Variants in RBMS2 observed in about 807,000 individuals in gnomAD.
RBMS2 encodes RNA binding motif single stranded interacting protein 2.
Under a neutral mutation model 58.4 loss-of-function variants are expected in RBMS2, and 38 were observed. That is an observed-to-expected ratio of 0.65 (90% CI 0.50 to 0.85). The LOEUF (loss-of-function observed/expected upper bound fraction) is 0.85. RBMS2 is among the 40% of genes least tolerant of loss of function. RBMS2 has a pLI of 0.00. For synonymous variants in RBMS2, 151 were observed against 180.7 expected, an observed-to-expected ratio of 0.84 and a Z score of 1.32; for missense variants, 367 against 503.7, an observed-to-expected ratio of 0.73 and a Z score of 2.60.
At chr12:56,559,419 C>T (rs1290075130) in intron 1 of RBMS2, among the ~76,000 whole-genome samples, 1 of 151,362 alleles carries the variant, frequency 6.6e-6, no homozygotes, top group Non-Finnish European at 1.5e-5. Context: ...ATCTCCTGAC[C>T]TCGTGATCTC....
intron 1 of RBMS2, among the ~76,000 whole-genome samples, chr12:56,527,090 G>A (rs192600978): frequency 3.3e-5 from 5 of 152,304 alleles, no homozygotes; most frequent in African/African-American, 1.2e-4. Context: ...CTTGTTACCT[G>A]AGATTGTCAT....
At chr12:56,563,717 T>A (rs1880846824) in intron 2 of RBMS2, among the ~76,000 whole-genome samples, 1 of 152,140 alleles carries the variant, frequency 6.6e-6, no homozygotes, top group Admixed American at 6.6e-5. Context: ...GCAGAAGGAT[T>A]GCTTGAGCTC....
intron 1 of RBMS2, among the ~76,000 whole-genome samples, chr12:56,551,124 A>G (rs1027916026): frequency 3.1e-5 from 4 of 130,096 alleles, no homozygotes; most frequent in Admixed American, 1.5e-4. Flanking sequence ...TGTTTCAAAA[A>G]AAAAAAAAGA....
intron 12 of RBMS2, 155 bp downstream of exon 12, chr12:56,588,529 G>C: frequency 1.5e-6 from 1 of 684,988 alleles, no homozygotes; most frequent in Non-Finnish European, 2.5e-6. Flanking sequence ...TGCTCGCTTC[G>C]GCAGCATGCA....
intron 9 of RBMS2, among the ~76,000 whole-genome samples, chr12:56,584,594 A>C (rs950763271): frequency 1.3e-5 from 2 of 151,876 alleles, no homozygotes; most frequent in African/African-American, 4.8e-5. Flanking sequence ...GACCATCCAG[A>C]CTAACACAGT....
chr12:56,537,497 A>C (rs1875133894), intron 1 of RBMS2, among the ~76,000 whole-genome samples: 1 of 152,170 alleles, frequency 6.6e-6, no homozygotes, highest in Non-Finnish European at 1.5e-5. Context: ...TGGTTCACCT[A>C]TGTTGTAGCT....
At chr12:56,533,433 T>TTTTTTTA in intron 1 of RBMS2, among the ~76,000 whole-genome samples, 1 of 137,370 alleles carries the variant, frequency 7.3e-6, no homozygotes, top group African/African-American at 2.9e-5. Context: ...TTTTTTTTTT[T>TTTTTTTA]GAGACGGGAT....
At chr12:56,553,691 T>A (rs1311520386) in intron 1 of RBMS2, among the ~76,000 whole-genome samples, 1 of 152,082 alleles carries the variant, frequency 6.6e-6, no homozygotes, top group East Asian at 1.9e-4. Context: ...GGTCTCAAAC[T>A]CCTGGGCTCA....
At chr12:56,539,396 A>C (rs948650322) in intron 1 of RBMS2, among the ~76,000 whole-genome samples, 3 of 152,166 alleles carry the variant, frequency 2.0e-5, no homozygotes, top group Non-Finnish European at 4.4e-5. Flanking sequence ...TAGAGGGTAA[A>C]GATTTATTTC....
At chr12:56,577,188 G>T (rs1419892996) in intron 5 of RBMS2, among the ~76,000 whole-genome samples, 2 of 151,992 alleles carry the variant, frequency 1.3e-5, no homozygotes, top group African/African-American at 2.4e-5. Context: ...TGGATCACCT[G>T]AGGTCAGGAG....
Position 56,571,784 on chromosome 12 carries a change from C to T in RBMS2, c.471C>T (p.Pro157=). 6.2e-7 allele frequency: 1 copy of T among 1,603,010 alleles called. No individual in the cohort carries two copies. The highest frequency in any genetic ancestry group is 8.5e-7 in the Non-Finnish European group (1 of 1,173,584). Residue 157 remains proline, a synonymous_variant, in exon 5 of 14, where the codon CCC becomes CCT. Coordinates refer to ENST00000262031, the MANE Select transcript of RBMS2 (RefSeq NM_002898.4). ...AGGAACTGGAGGGGATGCTGAAGCC[C>T]TTTGGCCAGGTTATCTCCACCCGTA... ...DEQELEGMLK[P]FGQVISTRIL... is the part of the protein sequence containing the mutation.
Position 56,546,126 on chromosome 12 carries a change from A to AT in RBMS2, c.67-16282dup, listed in dbSNP as rs1314626669. On this transcript the variant is annotated intron_variant, in intron 1 of 13. Coordinates refer to ENST00000262031, the MANE Select transcript of RBMS2 (RefSeq NM_002898.4). ...AATTTTTGTACTTTTATTTATTTTT[A>AT]TTTTTTTTTGAGACAGAGTCTTGCT... is the stretch of plus-strand genomic sequence containing the variant. 3.3e-4 allele frequency among the ~76,000 whole-genome samples: 45 copies of AT among 135,598 alleles called. 1 individual carries two copies. The highest frequency in any genetic ancestry group is 3.0e-3 in the East Asian group (14 of 4,666). 89.0% of individuals were successfully genotyped at this position (135,598 alleles called of 152,430 possible). A position where few individuals can be genotyped will look rare whatever the true frequency, so the allele number is the denominator to read the frequency against.
chr12:56,582,454 G>A (rs1884098799), intron 9 of RBMS2, among the ~76,000 whole-genome samples: 1 of 152,164 alleles, frequency 6.6e-6, no homozygotes, highest in East Asian at 1.9e-4. Context: ...TTGGGGAGTT[G>A]TTTATTTTAC....
intron 1 of RBMS2, among the ~76,000 whole-genome samples, chr12:56,526,107 G>A (rs1268603596): frequency 6.6e-6 from 1 of 151,788 alleles, no homozygotes; most frequent in Non-Finnish European, 1.5e-5. Context: ...AGGAGTTTGA[G>A]ACCAGCCTGG....
chr12:56,570,114 C>T, intron 4 of RBMS2, 124 bp downstream of exon 4: 3 of 811,724 alleles, frequency 3.7e-6, no homozygotes, highest in Admixed American at 5.3e-5. Context: ...ATCCGTGGTG[C>T]TTTCTAGACA....
At chr12:56,587,880 T>C (rs1310971228) in intron 11 of RBMS2, among the ~76,000 whole-genome samples, 1 of 152,200 alleles carries the variant, frequency 6.6e-6, no homozygotes, top group Non-Finnish European at 1.5e-5. Context: ...TGATTCCTAC[T>C]CATGCACCTT....
At chr12:56,562,354 C>A in intron 1 of RBMS2, 63 bp from the exon 2 acceptor site, 1 of 1,450,150 alleles carries the variant, frequency 6.9e-7, no homozygotes, top group Non-Finnish European at 9.5e-7. Context: ...GGTCCAGGAT[C>A]TTCCTCACTC....
At chr12:56,562,317 A>C (rs572957362) in intron 1 of RBMS2, 100 bp from the exon 2 acceptor site, 1 of 1,144,646 alleles carries the variant, frequency 8.7e-7, no homozygotes, top group Admixed American at 2.3e-5. Context: ...TTGTGATTAT[A>C]TATAGTTTGG....
At chr12:56,548,058 A>G (rs1307601825) in intron 1 of RBMS2, among the ~76,000 whole-genome samples, 1 of 152,170 alleles carries the variant, frequency 6.6e-6, no homozygotes, top group Non-Finnish European at 1.5e-5. Flanking sequence ...GAGCATGTTA[A>G]TAAATAAATA....
Sources: allele counts gnomAD v4.1 joint callset (sites outside exome capture counted in the v4.1 genomes callset), GRCh38; gene constraint gnomAD v4.1.1; transcripts MANE v1.5; gene names NCBI Gene and HGNC (gene_info 2026-07-23, HGNC 2026-07-21).